SNTB1: variants seen among roughly 807,000 people sequenced by gnomAD.
SNTB1 encodes the protein beta-1-syntrophin.
Under a neutral mutation model 48.9 loss-of-function variants are expected in SNTB1, and 36 were observed. The ratio of observed to expected loss-of-function variants is 0.74; its 90% confidence interval spans 0.56 to 0.97. SNTB1 has a LOEUF of 0.97. SNTB1 is among the 50% of genes least tolerant of loss of function. The pLI, the probability that SNTB1 is intolerant of heterozygous loss-of-function variation, is 0.00. For synonymous variants in SNTB1, 299 were observed against 294.6 expected (o/e 1.01, Z -0.15); for missense variants, 786 against 703.4 (o/e 1.12, Z -1.33).
At chr8:120,707,602 C>G (rs1442415421) in intron 1 of SNTB1, among the ~76,000 whole-genome samples, 1 of 152,114 alleles carries the variant, frequency 6.6e-6, no homozygotes, top group Non-Finnish European at 1.5e-5. Flanking sequence ...TGATGGTGAG[C>G]ATCAGTGAAT....
intron 4 of SNTB1, among the ~76,000 whole-genome samples, chr8:120,559,533 A>G (rs968916715): frequency 6.6e-6 from 1 of 152,200 alleles, no homozygotes; most frequent in Non-Finnish European, 1.5e-5. Flanking sequence ...AATCTTTATG[A>G]CATTGGGGAA....
chr8:120,683,017 G>A (rs1392047199), intron 2 of SNTB1, among the ~76,000 whole-genome samples: 2 of 151,628 alleles, frequency 1.3e-5, no homozygotes, highest in African/African-American at 4.8e-5. Context: ...GAGTAGCTGG[G>A]ACTACAGGCG....
chr8:120,691,058 A>G (rs2129853746), intron 2 of SNTB1, among the ~76,000 whole-genome samples: 1 of 152,352 alleles, frequency 6.6e-6, no homozygotes, highest in South Asian at 2.1e-4. Flanking sequence ...CCAATATAAA[A>G]GTTTGAAACT....
intron 3 of SNTB1, among the ~76,000 whole-genome samples, chr8:120,612,109 TG>T (rs1816637272): frequency 6.6e-6 from 1 of 152,222 alleles, no homozygotes; most frequent in Non-Finnish European, 1.5e-5. Context: ...ACACTGGCAC[TG>T]AACAGTGAGC....
At chr8:120,553,025 G>A (rs1815507844) in intron 4 of SNTB1, among the ~76,000 whole-genome samples, 3 of 152,124 alleles carry the variant, frequency 2.0e-5, no homozygotes, top group South Asian at 2.1e-4. Context: ...GCGGTAATGC[G>A]AGCAATGGGG....
At chr8:120,744,683 A>T (rs73323135) in intron 1 of SNTB1, among the ~76,000 whole-genome samples, 1 of 152,074 alleles carries the variant, frequency 6.6e-6, no homozygotes, top group Admixed American at 6.5e-5. Flanking sequence ...ATAGATACTA[A>T]ACATGGATTA....
intron 2 of SNTB1, among the ~76,000 whole-genome samples, chr8:120,693,123 C>G (rs559421624): frequency 1.5e-4 from 23 of 152,204 alleles, no homozygotes; most frequent in Non-Finnish European, 3.2e-4. Flanking sequence ...TTTCAAATAA[C>G]CAGCTCTCAC....
intron 1 of SNTB1, chr8:120,769,671 G>T (rs966062079): frequency 1.3e-5 from 2 of 152,210 alleles, no homozygotes; most frequent in African/African-American, 4.8e-5. Flanking sequence ...AACTGATCCA[G>T]CCATCTCAGC....
At position 120,785,618 on chromosome 8, in the gene SNTB1, C is replaced by T. The variant is rs1349060381; in HGVS notation, c.571+25655G>A. 2.0e-5 allele frequency among the ~76,000 whole-genome samples: 3 copies of T among 152,216 alleles called. No homozygotes were observed. The East Asian group carries it at 5.8e-4, about 29-fold the overall frequency. On this transcript the variant is annotated intron_variant, in intron 1 of 6. Coordinates refer to ENST00000517992, the MANE Select transcript of SNTB1 (RefSeq NM_021021.4). ...AAGCCAGTGCATGGACTTGTCTGAC[C>T]TGGCCCCCATGTGGCTTTGCTCCTC...
At chr8:120,563,508 T>G (rs770612436) in intron 4 of SNTB1, among the ~76,000 whole-genome samples, 1 of 152,070 alleles carries the variant, frequency 6.6e-6, no homozygotes, top group Non-Finnish European at 1.5e-5. Flanking sequence ...CTCGTAAACA[T>G]CTCTGCATGG....
chr8:120,540,300 G>T (rs72680536), intron 6 of SNTB1, among the ~76,000 whole-genome samples: 4 of 152,164 alleles, frequency 2.6e-5, no homozygotes, highest in African/African-American at 7.2e-5. Flanking sequence ...ACAGACATAG[G>T]GGGTAGAGGA....
At chr8:120,762,292 G>A (rs1376203322) in intron 1 of SNTB1, among the ~76,000 whole-genome samples, 1 of 152,222 alleles carries the variant, frequency 6.6e-6, no homozygotes, top group Non-Finnish European at 1.5e-5. Context: ...CAAAGGCCCT[G>A]CTGTTTTCAA....
At chr8:120,725,621 T>C in intron 1 of SNTB1, among the ~76,000 whole-genome samples, 1 of 152,212 alleles carries the variant, frequency 6.6e-6, no homozygotes, top group Non-Finnish European at 1.5e-5. Context: ...CACAATTAAT[T>C]AATTTTGCAC....
chr8:120,593,749 G>A (rs1816279685), intron 3 of SNTB1, among the ~76,000 whole-genome samples: 1 of 152,152 alleles, frequency 6.6e-6, no homozygotes, highest in African/African-American at 2.4e-5. Flanking sequence ...TTGGGGAGAT[G>A]GCACATTGGA....
chr8:120,641,204 T>C (rs1386864419), intron 2 of SNTB1, among the ~76,000 whole-genome samples: 4 of 152,206 alleles, frequency 2.6e-5, no homozygotes, highest in South Asian at 2.1e-4. Context: ...TTCAGTAAAG[T>C]TGCATAGCAG....
In SNTB1 at chr8:120,568,260, G is replaced by T. The variant is rs77241519; in HGVS notation, c.1136+6826C>A. Among the ~76,000 whole-genome samples, 282 of 152,284 alleles carry T rather than the reference G, an allele frequency of 1.9e-3. 3 individuals carry two copies. In the East Asian group the frequency reaches 0.047, roughly 26 times the overall value. On this transcript the variant is annotated intron_variant, in intron 4 of 6. Coordinates refer to ENST00000517992, the MANE Select transcript of SNTB1 (RefSeq NM_021021.4). ...GGAGATAAGAGTTTCTATTTCAGCT[G>T]GGGTGGACCCTGCCTCCTACTGCAA...
At chr8:120,602,466 A>G in intron 3 of SNTB1, among the ~76,000 whole-genome samples, 1 of 152,228 alleles carries the variant, frequency 6.6e-6, no homozygotes, top group East Asian at 1.9e-4. Context: ...GAAGACCTGA[A>G]AAGACCGAGG....
chr8:120,659,835 A>G (rs1443922792), intron 2 of SNTB1, among the ~76,000 whole-genome samples: 3 of 152,220 alleles, frequency 2.0e-5, no homozygotes, highest in Admixed American at 6.5e-5. Flanking sequence ...TCCTTGATCT[A>G]TGGGCTACAG....
intron 3 of SNTB1, among the ~76,000 whole-genome samples, chr8:120,624,227 C>T (rs1417830661): frequency 1.3e-5 from 2 of 152,118 alleles, no homozygotes; most frequent in Non-Finnish European, 2.9e-5. Flanking sequence ...CATGAACCAC[C>T]GCACCTGCCC....
Sources: allele counts gnomAD v4.1 joint callset (sites outside exome capture counted in the v4.1 genomes callset), GRCh38; gene constraint gnomAD v4.1.1; transcripts MANE v1.5; gene names NCBI Gene and HGNC (gene_info 2026-07-23, HGNC 2026-07-21).